FAM78B: variants seen among roughly 807,000 people sequenced by gnomAD.
FAM78B encodes family with sequence similarity 78 member B.
In FAM78B, 10 loss-of-function variants were observed where a neutral mutation model predicts 20.0. The observed-to-expected ratio is 0.50, with a 90% CI of 0.31 to 0.85. The LOEUF (loss-of-function observed/expected upper bound fraction) is 0.85. Ranked by LOEUF, FAM78B falls within the 40% of genes least tolerant of loss-of-function variation. FAM78B has a pLI of 0.05. For synonymous variants in FAM78B, 135 were observed against 132.8 expected (o/e 1.02, Z -0.12); for missense variants, 283 against 345.0 (o/e 0.82, Z 1.42).
At chr1:166,080,561 C>T (rs1041460795) in intron 1 of FAM78B, among the ~76,000 whole-genome samples, 5 of 152,200 alleles carry the variant, frequency 3.3e-5, no homozygotes, top group African/African-American at 4.8e-5. Flanking sequence ...CTGACTGCTG[C>T]GTTAACTTTA....
At chr1:166,144,186 ACT>A in intron 1 of FAM78B, among the ~76,000 whole-genome samples, 1 of 152,166 alleles carries the variant, frequency 6.6e-6, no homozygotes, top group Middle Eastern at 3.4e-3. Context: ...TGAACGCCAA[ACT>A]CTAAATTTCC....
chr1:166,067,443 C>T (rs910775601), downstream of FAM78B, among the ~76,000 whole-genome samples: 1 of 151,976 alleles, frequency 6.6e-6, no homozygotes, highest in Non-Finnish European at 1.5e-5. Context: ...CCAACTAAAA[C>T]TTAATCAAGG....
chr1:166,070,773 C>A lies in FAM78B; in HGVS notation c.264-10G>T, dbSNP rs1030785610. 5.9e-6 allele frequency: 9 copies of A among 1,534,328 alleles called. No individual in the cohort carries two copies. Among genetic ancestry groups the A allele is most frequent in the African/African-American group, 1.4e-5 (1 of 72,506 alleles). On this transcript the variant is annotated splice_polypyrimidine_tract_variant and intron_variant, in intron 1 of 1. Transcript: ENST00000354422. ...CAGTTCCCAGCTTGACCTGGCAAAG[C>A]AGAAGACATGCACAAGAAAAGAAGA...
intron 1 of FAM78B, among the ~76,000 whole-genome samples, chr1:166,075,293 T>C (rs1456213608): frequency 6.6e-6 from 1 of 152,102 alleles, no homozygotes; most frequent in Non-Finnish European, 1.5e-5. Flanking sequence ...GCTGAGAAAA[T>C]GGACAGGAGG....
At chr1:166,163,384 C>T (rs1006151800) in intron 1 of FAM78B, among the ~76,000 whole-genome samples, 10 of 152,260 alleles carry the variant, frequency 6.6e-5, no homozygotes, top group Non-Finnish European at 1.3e-4. Flanking sequence ...CCTACCCCTT[C>T]TTGGAAAAGT....
intron 1 of FAM78B, among the ~76,000 whole-genome samples, chr1:166,138,375 A>C (rs1348421813): frequency 6.6e-6 from 1 of 151,898 alleles, no homozygotes; most frequent in Non-Finnish European, 1.5e-5. Context: ...CAGGGATCTC[A>C]AGAAAAAGCA....
chr1:166,075,563 A>C (rs532324877), intron 1 of FAM78B, among the ~76,000 whole-genome samples: 1 of 152,322 alleles, frequency 6.6e-6, no homozygotes, highest in African/African-American at 2.4e-5. Flanking sequence ...CATGAGGATG[A>C]TGAGGACGGG....
chr1:166,128,632 C>T (rs894691998), intron 1 of FAM78B, among the ~76,000 whole-genome samples: 2 of 152,236 alleles, frequency 1.3e-5, no homozygotes, highest in Non-Finnish European at 2.9e-5. Flanking sequence ...CTGGATACCA[C>T]TGCTAACATT....
chr1:166,145,154 C>T (rs1050828380), intron 1 of FAM78B, among the ~76,000 whole-genome samples: 2 of 152,132 alleles, frequency 1.3e-5, no homozygotes, highest in Admixed American at 1.3e-4. Context: ...GGCCCTGGGA[C>T]AAAAAAGCTG....
intron 1 of FAM78B, among the ~76,000 whole-genome samples, chr1:166,106,927 G>T (rs1249542454): frequency 1.3e-5 from 2 of 150,808 alleles, no homozygotes; most frequent in Non-Finnish European, 3.0e-5. Flanking sequence ...ATATACAAAA[G>T]TAAAAAAAAA....
At chr1:166,115,486 A>T (rs577419869) in intron 1 of FAM78B, among the ~76,000 whole-genome samples, 1 of 152,340 alleles carries the variant, frequency 6.6e-6, no homozygotes, top group Admixed American at 6.5e-5. Flanking sequence ...AAGAGGTAGC[A>T]GCCCAGTGGT....
chr1:166,070,813 T>C (rs1410645834), intron 1 of FAM78B, 50 bp from the exon 2 acceptor site: 1 of 1,503,380 alleles, frequency 6.7e-7, no homozygotes, highest in Non-Finnish European at 8.8e-7. Context: ...GAATGAATTT[T>C]TCAAAAGCTG....
In FAM78B at chr1:166,069,922, C is replaced by A. The variant is rs948217861; in HGVS notation, c.*319G>T. 1.2e-5 allele frequency: 12 copies of A among 993,180 alleles called. No homozygotes were observed. Among genetic ancestry groups the A allele is most frequent in the African/African-American group, 1.7e-5 (1 of 58,532 alleles). 61.5% of individuals were successfully genotyped at this position (993,180 alleles called of 1,614,324 possible). A position where few individuals can be genotyped will look rare whatever the true frequency, so the allele number is the denominator to read the frequency against. On this transcript the variant is annotated 3_prime_UTR_variant, in exon 2 of 2. Transcript: ENST00000354422. ...TGTTTAATTTCGTTTCCATCCCCTG[C>A]ATCTCACAGGAAAGAAATGGTCAAT...
At chr1:166,103,705 T>C (rs1339630722) in intron 1 of FAM78B, among the ~76,000 whole-genome samples, 1 of 152,148 alleles carries the variant, frequency 6.6e-6, no homozygotes, top group Non-Finnish European at 1.5e-5. Flanking sequence ...ATTGAGGCAA[T>C]AATTAATAGC....
chr1:166,105,413 C>T (rs947086125), intron 1 of FAM78B, among the ~76,000 whole-genome samples: 1 of 151,996 alleles, frequency 6.6e-6, no homozygotes, highest in Non-Finnish European at 1.5e-5. Context: ...TCAGAGTGAA[C>T]AGGCAACCTA....
intron 1 of FAM78B, among the ~76,000 whole-genome samples, chr1:166,099,774 A>C (rs1018721329): frequency 6.6e-6 from 1 of 152,220 alleles, no homozygotes. Context: ...CAAATTTATA[A>C]AACAATTACT....
At chr1:166,087,742 A>C (rs1652889033) in intron 1 of FAM78B, among the ~76,000 whole-genome samples, 2 of 152,220 alleles carry the variant, frequency 1.3e-5, no homozygotes, top group South Asian at 4.1e-4. Flanking sequence ...GTCAATTTTT[A>C]AAAGTTACAT....
At chr1:166,076,242 A>G (rs1325302591) in intron 1 of FAM78B, among the ~76,000 whole-genome samples, 1 of 152,182 alleles carries the variant, frequency 6.6e-6, no homozygotes, top group Non-Finnish European at 1.5e-5. Flanking sequence ...AAAATGGCTC[A>G]TGTGGCCCTA....
At chr1:166,162,536 C>T (rs1488429402) in intron 1 of FAM78B, among the ~76,000 whole-genome samples, 1 of 152,222 alleles carries the variant, frequency 6.6e-6, no homozygotes, top group Non-Finnish European at 1.5e-5. Context: ...GAGCCCCATT[C>T]CTTGCTCAAA....
Sources: allele counts gnomAD v4.1 joint callset (sites outside exome capture counted in the v4.1 genomes callset), GRCh38; gene constraint gnomAD v4.1.1; transcripts MANE v1.5; gene names NCBI Gene and HGNC (gene_info 2026-07-23, HGNC 2026-07-21).